Variants in ZNF503 observed in about 807,000 individuals in gnomAD.
The protein encoded by ZNF503 is NocA-like zinc finger 2.
In ZNF503, 15 loss-of-function variants were observed where a neutral mutation model predicts 34.4. The ratio of observed to expected loss-of-function variants is 0.44; its 90% CI spans 0.29 to 0.67. ZNF503 has a LOEUF of 0.67. Ranked by LOEUF, ZNF503 falls within the 30% of genes least tolerant of loss-of-function variation. ZNF503 has a pLI of 0.13. For synonymous variants in ZNF503, 580 were observed against 456.8 expected (o/e 1.27, Z -3.44); for missense variants, 1,007 against 926.8 (o/e 1.09, Z -1.12).
chr10:75,382,854 A>G, the ZNF503 span: 123 of 273,344 alleles, frequency 4.5e-4, 1 homozygote, highest in African/African-American at 2.7e-3. Context: ...TCCTCTTGGT[A>G]AGAACTGCCT....
the ZNF503 span, among the ~76,000 whole-genome samples, chr10:75,327,783 G>A: frequency 2.6e-5 from 4 of 152,002 alleles, no homozygotes; most frequent in African/African-American, 9.7e-5. Context: ...TTTGATAATA[G>A]CCATTCTAAC....
the ZNF503 span, among the ~76,000 whole-genome samples, chr10:75,317,904 G>A: frequency 6.6e-6 from 1 of 152,122 alleles, no homozygotes; most frequent in Non-Finnish European, 1.5e-5. Context: ...GCTGAGGCAG[G>A]AGAATCTCTT....
the ZNF503 span, among the ~76,000 whole-genome samples, chr10:75,365,971 A>C: frequency 6.6e-6 from 1 of 152,200 alleles, no homozygotes. Flanking sequence ...CCCAGTGAGG[A>C]GGTCAAGTGC....
In ZNF503 at chr10:75,398,674, C is replaced by T. The variant is rs1016257359; in HGVS notation, c.*75G>A. 28 of 1,277,772 alleles carry T rather than the reference C, an allele frequency of 2.2e-5. No individual in the cohort carries two copies. The Admixed American group carries it at 4.2e-4, about 19-fold the overall frequency. 79.2% of individuals were successfully genotyped at this position (1,277,772 alleles called of 1,614,324 possible). A position where few individuals can be genotyped will look rare whatever the true frequency, so the allele number is the denominator to read the frequency against. ...CACGCGCGGGTGTCAGCAGCCTGGG[C>T]CGTGATCCCGCCTCTCCCTGGACTC... is the stretch of plus-strand genomic sequence containing the variant. On this transcript the variant is annotated 3_prime_UTR_variant, in exon 2 of 2. Transcript: ENST00000372524.
At chr10:75,289,023 G>A in the ZNF503 span, among the ~76,000 whole-genome samples, 1 of 152,148 alleles carries the variant, frequency 6.6e-6, no homozygotes. Context: ...GAAGGCTGGA[G>A]GTGTAGACAG....
chr10:75,283,117 C>T, the ZNF503 span, among the ~76,000 whole-genome samples: 3 of 152,154 alleles, frequency 2.0e-5, no homozygotes, highest in Non-Finnish European at 4.4e-5. Context: ...GGGAGGGAAG[C>T]TAGGGAAGCT....
chr10:75,280,031 A>C, the ZNF503 span: 1 of 152,244 alleles, frequency 6.6e-6, no homozygotes, highest in Non-Finnish European at 1.5e-5. Flanking sequence ...TCTATTGCAG[A>C]AAAGAAAGGT....
chr10:75,366,428 GGT>G, the ZNF503 span, among the ~76,000 whole-genome samples: 1 of 152,214 alleles, frequency 6.6e-6, no homozygotes, highest in African/African-American at 2.4e-5. Flanking sequence ...CCCGAGCAAT[GGT>G]GTGGCAGGAT....
At chr10:75,324,964 T>A in the ZNF503 span, among the ~76,000 whole-genome samples, 1 of 152,208 alleles carries the variant, frequency 6.6e-6, no homozygotes, top group East Asian at 1.9e-4. Context: ...AGTATTTCAT[T>A]TTATGGATAT....
At chr10:75,392,670 C>T in the ZNF503 span, among the ~76,000 whole-genome samples, 5 of 152,074 alleles carry the variant, frequency 3.3e-5, no homozygotes, top group Admixed American at 2.6e-4. Flanking sequence ...AGAGGATGAA[C>T]CATGATTACA....
the ZNF503 span, among the ~76,000 whole-genome samples, chr10:75,353,540 G>T: frequency 1.3e-5 from 2 of 152,232 alleles, no homozygotes; most frequent in Non-Finnish European, 2.9e-5. Context: ...CAACTGAGGA[G>T]GCAGGTGGAG....
At chr10:75,365,709 G>T in the ZNF503 span, among the ~76,000 whole-genome samples, 1 of 152,176 alleles carries the variant, frequency 6.6e-6, no homozygotes, top group Non-Finnish European at 1.5e-5. Context: ...CTGGAATGGG[G>T]TTGGTAATAT....
At chr10:75,312,164 G>A in the ZNF503 span, among the ~76,000 whole-genome samples, 16 of 152,068 alleles carry the variant, frequency 1.1e-4, no homozygotes, top group African/African-American at 3.6e-4. Flanking sequence ...CTGAGATCAC[G>A]CCACTGTACT....
the ZNF503 span, among the ~76,000 whole-genome samples, chr10:75,363,604 C>T: frequency 3.9e-5 from 6 of 152,342 alleles, no homozygotes; most frequent in Middle Eastern, 3.4e-3. Flanking sequence ...CCACCCAGGT[C>T]GCTGTGTACT....
chr10:75,300,107 C>A, the ZNF503 span, among the ~76,000 whole-genome samples: 1 of 152,176 alleles, frequency 6.6e-6, no homozygotes, highest in Non-Finnish European at 1.5e-5. Flanking sequence ...AGAAGACTGG[C>A]ACACCCAAGG....
chr10:75,333,131 G>A, the ZNF503 span, among the ~76,000 whole-genome samples: 2 of 140,532 alleles, frequency 1.4e-5, no homozygotes, highest in Non-Finnish European at 1.6e-5. Flanking sequence ...CCTCCTGGAC[G>A]GGGCGGCTGG....
the ZNF503 span, among the ~76,000 whole-genome samples, chr10:75,300,241 T>A: frequency 6.6e-6 from 1 of 152,274 alleles, no homozygotes; most frequent in East Asian, 1.9e-4. Context: ...ATGGCTGTGT[T>A]CCGCCTGGCT....
the ZNF503 span, among the ~76,000 whole-genome samples, chr10:75,380,094 A>G: frequency 2.0e-5 from 3 of 152,198 alleles, no homozygotes; most frequent in African/African-American, 7.2e-5. Flanking sequence ...GCCCAGACTG[A>G]CCTGGCAGTA....
At chr10:75,393,753 G>A (rs1486418059), downstream of ZNF503, among the ~76,000 whole-genome samples, 2 of 152,050 alleles carry the variant, frequency 1.3e-5, no homozygotes, top group African/African-American at 4.8e-5. Flanking sequence ...TAGCTACTCA[G>A]GAGACTGAGG....
Sources: gnomAD v4.1 joint callset for allele counts (sites outside exome capture counted in the v4.1 genomes callset) on GRCh38, gnomAD v4.1.1 for gene constraint, MANE v1.5 for transcripts, NCBI Gene and HGNC (gene_info 2026-07-23, HGNC 2026-07-21) for gene names.